BRD1: variants seen among roughly 807,000 people sequenced by gnomAD.
The protein encoded by BRD1 is bromodomain-containing protein 1.
Under a neutral mutation model 107.7 loss-of-function variants are expected in BRD1, and 24 were observed. That is an observed-to-expected ratio of 0.22 (90% CI 0.16 to 0.31). The LOEUF is 0.31. Ranked by LOEUF, BRD1 falls within the 10% of genes least tolerant of loss-of-function variation. The pLI, the probability that BRD1 is intolerant of heterozygous loss-of-function variation, is 1.00. For synonymous variants in BRD1, 744 were observed against 686.1 expected, an observed-to-expected ratio of 1.08 and a Z score of -1.32; for missense variants, 1,279 against 1,638.6, an observed-to-expected ratio of 0.78 and a Z score of 3.79.
chr22:49,815,691 A>G (rs2059936700), intron 2 of BRD1, among the ~76,000 whole-genome samples: 1 of 152,174 alleles, frequency 6.6e-6, no homozygotes. Flanking sequence ...AAAACCAACA[A>G]AGTCACAGGA....
At chr22:49,811,462 C>G (rs1236509587) in intron 2 of BRD1, among the ~76,000 whole-genome samples, 2 of 152,198 alleles carry the variant, frequency 1.3e-5, no homozygotes, top group African/African-American at 4.8e-5. Context: ...CAGCGGCTGC[C>G]TGAAACTTGG....
At chr22:49,821,726 C>G (rs1480805958) in intron 2 of BRD1, among the ~76,000 whole-genome samples, 2 of 152,188 alleles carry the variant, frequency 1.3e-5, no homozygotes, top group Non-Finnish European at 2.9e-5. Flanking sequence ...CTGCATGCGT[C>G]CCACCTGTGC....
At chr22:49,827,441 CGGGCGGCCCGCGAGGCGGCG>C (rs1377576779) in intron 1 of BRD1, 36 bp downstream of exon 1, 1 of 144,624 alleles carries the variant, frequency 6.9e-6, no homozygotes, top group African/African-American at 2.5e-5. Flanking sequence ...CGGCGGCGGC[CGGGCGGCCCGCGAGGCGGCG>C]GGGAGGCCTC....
intron 7 of BRD1, among the ~76,000 whole-genome samples, chr22:49,790,632 G>A (rs1012380237): frequency 1.3e-5 from 2 of 152,204 alleles, no homozygotes; most frequent in African/African-American, 2.4e-5. Context: ...TCAATCAAAG[G>A]TTTCTGTATC....
In BRD1 at chr22:49,777,795, C is replaced by T. The variant is rs2059130297; in HGVS notation, c.2876G>A (p.Gly959Glu). 1.2e-6 allele frequency: 2 copies of T among 1,602,582 alleles called. No individual in the cohort carries two copies. The highest frequency in any genetic ancestry group is 1.7e-6 in the Non-Finnish European group (2 of 1,177,852). The change falls in exon 9 of 13, where the codon GGG becomes GAG. Residue 959 changes from glycine (G) to glutamate (E), a missense_variant. By Grantham distance (98) the Gly-to-Glu change is moderately conservative. Coordinates refer to ENST00000404760, the MANE Select transcript of BRD1 (RefSeq NM_001304808.3). Reference sequence around the variant, plus strand: ...CGGCTCCTGCTCGCTCCTCGCACCCCCAAAGCCGTTGGTGAGACCTGGAAC... The same window carrying T: ...CGGCTCCTGCTCGCTCCTCGCACCCTCAAAGCCGTTGGTGAGACCTGGAAC... ...RLDAGLTNGF[G>E]GARSEQEPGG...
Position 49,774,278 on chromosome 22 carries a change from G to A in BRD1, c.3525C>T (p.Ser1175=). The A allele has an allele frequency of 6.2e-7, 1 of 1,614,186 alleles. No individual in the cohort carries two copies. The highest frequency in any genetic ancestry group is 8.5e-7 in the Non-Finnish European group (1 of 1,180,034). The change falls in exon 13 of 13, where the codon AGC becomes AGT. Residue 1175 remains serine (S), a synonymous_variant. Coordinates refer to ENST00000404760, the MANE Select transcript of BRD1 (RefSeq NM_001304808.3). ...CGCTGGTCGGCTCCCCGTGGACGCG[G>A]CTCAGGTGGTTCATGGCGCGGTCAA... is the stretch of plus-strand genomic sequence containing the variant. ...IAFDRAMNHL[S]RVHGEPTSDL...
intron 2 of BRD1, among the ~76,000 whole-genome samples, chr22:49,804,654 G>C (rs552235872): frequency 8.5e-5 from 13 of 152,256 alleles, no homozygotes; most frequent in Admixed American, 7.8e-4. Flanking sequence ...TTTGAGACCA[G>C]CCTGGCCAAC....
At chr22:49,774,590 C>A (rs918949831) in intron 12 of BRD1, among the ~76,000 whole-genome samples, 174 bp from the exon 13 acceptor site, 2 of 152,110 alleles carry the variant, frequency 1.3e-5, no homozygotes, top group African/African-American at 2.4e-5. Flanking sequence ...GTGCACCCCT[C>A]CCTTCCCCTC....
intron 3 of BRD1, 22 bp from the exon 4 acceptor site, chr22:49,799,141 G>T: frequency 6.3e-7 from 1 of 1,598,232 alleles, no homozygotes; most frequent in Non-Finnish European, 8.5e-7. Context: ...GAACACTTCC[G>T]TCAGTCAAAC....
At chr22:49,785,516 T>A (rs555221956) in intron 8 of BRD1, among the ~76,000 whole-genome samples, 1 of 152,156 alleles carries the variant, frequency 6.6e-6, no homozygotes, top group Non-Finnish European at 1.5e-5. Context: ...ATTTCCGGGG[T>A]GCTTGGAAAA....
intron 2 of BRD1, chr22:49,805,710 CACA>C (rs1025757695): frequency 1.3e-5 from 2 of 151,692 alleles, no homozygotes; most frequent in Non-Finnish European, 2.9e-5. Context: ...CAGTCAATAG[CACA>C]ACACTTAACT....
chr22:49,825,399 T>G (rs555285333), intron 1 of BRD1, among the ~76,000 whole-genome samples: 2 of 152,104 alleles, frequency 1.3e-5, no homozygotes, highest in Admixed American at 1.3e-4. Context: ...TTTCCAGAGG[T>G]AGGCAAAACC....
intron 2 of BRD1, among the ~76,000 whole-genome samples, chr22:49,808,266 G>T (rs1601703207): frequency 6.6e-6 from 1 of 152,236 alleles, no homozygotes; most frequent in Non-Finnish European, 1.5e-5. Context: ...CTAAAACATG[G>T]AAGCAACCCA....
Position 49,824,129 on chromosome 22 carries a change from A to G in BRD1, c.189T>C (p.Asp63=), listed in dbSNP as rs1309284245. The change falls in exon 2 of 13, where the codon GAT becomes GAC. Residue 63 remains aspartate, a synonymous_variant. Transcript: ENST00000404760. The surrounding 1 kb of genome is among the most constrained non-coding windows in gnomAD (Gnocchi z 5.9). The stretch of plus-strand genomic sequence containing the variant: ...CACTCATCTCTTGAGCAGTGAGGTC[A>G]TCTTCCAATATGATCTCCAGGGGAT... ...IFDPLEIILE[D]DLTAQEMSEC... is the part of the protein sequence containing the mutation. 6.2e-7 allele frequency: 1 copy of G among 1,614,002 alleles called. No individual in the cohort carries two copies. The highest frequency in any genetic ancestry group is 1.7e-5 in the Admixed American group (1 of 60,028).
intron 2 of BRD1, among the ~76,000 whole-genome samples, chr22:49,808,109 T>G (rs1460107832): frequency 2.0e-5 from 3 of 152,084 alleles, no homozygotes; most frequent in Admixed American, 2.0e-4. Flanking sequence ...GTAGCCGCTG[T>G]GGAAAACAGT....
intron 7 of BRD1, among the ~76,000 whole-genome samples, chr22:49,790,043 C>G (rs186066172): frequency 6.6e-6 from 1 of 152,232 alleles, no homozygotes; most frequent in Non-Finnish European, 1.5e-5. Flanking sequence ...CGGGCTCCAG[C>G]CGCCAGCACG....
chr22:49,795,241 G>A (rs1191124527), intron 6 of BRD1, among the ~76,000 whole-genome samples: 1 of 152,102 alleles, frequency 6.6e-6, no homozygotes, highest in Non-Finnish European at 1.5e-5. Flanking sequence ...GCCTCGAAAC[G>A]TCTGTTTCTT....
At chr22:49,796,849 C>T (rs1396613690) in intron 6 of BRD1, among the ~76,000 whole-genome samples, 1 of 147,958 alleles carries the variant, frequency 6.8e-6, no homozygotes, top group Non-Finnish European at 1.5e-5. Flanking sequence ...GGAACGTGGA[C>T]CCCGCGATGG....
intron 2 of BRD1, among the ~76,000 whole-genome samples, chr22:49,804,846 G>C (rs1165781778): frequency 6.6e-6 from 1 of 151,854 alleles, no homozygotes; most frequent in African/African-American, 2.4e-5. Context: ...GCGAGATTCT[G>C]ACTCAAAAAT....
Sources: gnomAD v4.1 joint callset for allele counts (sites outside exome capture counted in the v4.1 genomes callset) on GRCh38, gnomAD v4.1.1 for gene constraint, Gnocchi (gnomAD v3.1) non-coding constraint, MANE v1.5 for transcripts, NCBI Gene and HGNC (gene_info 2026-07-23, HGNC 2026-07-21) for gene names.